The following NIPAL3 variants were observed in gnomAD, a reference collection of about 807,000 sequenced individuals.
NIPAL3 encodes NIPA-like protein 3.
In NIPAL3, 41 loss-of-function variants were observed where a neutral mutation model predicts 47.2. The observed-to-expected ratio is 0.87, with a 90% CI of 0.68 to 1.13. NIPAL3 has a LOEUF of 1.13. Ranked by LOEUF, NIPAL3 falls within the 50% of genes most tolerant of loss-of-function variation. NIPAL3 has a pLI of 0.00. For synonymous variants in NIPAL3, 194 were observed against 209.6 expected (o/e 0.93, Z 0.64); for missense variants, 449 against 530.1 (o/e 0.85, Z 1.50).
intron 4 of NIPAL3, among the ~76,000 whole-genome samples, chr1:24,443,918 A>G (rs1645522893): frequency 6.6e-6 from 1 of 152,112 alleles, no homozygotes; most frequent in South Asian, 2.1e-4. Context: ...GTATCTCCAA[A>G]GGGCTCCCAA....
chr1:24,435,879 G>T (rs1645079628), intron 2 of NIPAL3, among the ~76,000 whole-genome samples: 1 of 152,158 alleles, frequency 6.6e-6, no homozygotes, highest in African/African-American at 2.4e-5. Flanking sequence ...TATAAAAACA[G>T]AAATGTATTT....
At chr1:24,427,607 A>G (rs1003621958) in intron 2 of NIPAL3, among the ~76,000 whole-genome samples, 1 of 152,170 alleles carries the variant, frequency 6.6e-6, no homozygotes, top group East Asian at 1.9e-4. Context: ...AGGACACTTC[A>G]CAGAACACAA....
chr1:24,468,942 C>T (rs1646810395), intron 11 of NIPAL3, 44 bp from the exon 12 acceptor site: 2 of 1,589,758 alleles, frequency 1.3e-6, no homozygotes, highest in African/African-American at 1.3e-5. Context: ...CCTCCTTGGC[C>T]CCCTTACCGC....
Position 24,442,245 on chromosome 1 carries a change from C to A in NIPAL3, c.334+19C>A. ...GTGATAGGTAAGACCAGGGCTGCCCCACCCTCCCCTGGGGTGCTCCCAGCT... is the reference window on the plus strand; with the variant it reads ...GTGATAGGTAAGACCAGGGCTGCCCAACCCTCCCCTGGGGTGCTCCCAGCT... On this transcript the variant is annotated intron_variant, in intron 4 of 11. Transcript: ENST00000374399. 1 of 1,611,168 alleles carries A rather than the reference C, an allele frequency of 6.2e-7. No homozygotes were observed. Among genetic ancestry groups the A allele is most frequent in the Non-Finnish European group, 8.5e-7 (1 of 1,178,612 alleles).
rs1883462 is a variant in NIPAL3 at position 24,453,383 on chromosome 1, C to A, written c.541-25C>A. On this transcript the variant is annotated intron_variant, in intron 6 of 11. Coordinates refer to ENST00000374399, the MANE Select transcript of NIPAL3 (RefSeq NM_020448.5). The stretch of plus-strand genomic sequence containing the variant: ...CGCCTACTTCTGTGGTCCCCACTGA[C>A]CCCCCTGCTTGCTGCCTTCCACAGC... 14 of 1,581,004 alleles carry A rather than the reference C, an allele frequency of 8.9e-6. No homozygotes were observed. In the Admixed American group the frequency reaches 2.0e-4, roughly 23 times the overall value.
rs776188011 is a variant in NIPAL3, at chr1:24,440,202, T to C, written c.124T>C (p.Phe42Leu). Residue 42 changes from phenylalanine (F) to leucine (L), a missense_variant, in exon 3 of 12, where the codon TTC (phenylalanine) becomes CTC (leucine). Coordinates refer to ENST00000374399, the MANE Select transcript of NIPAL3 (RefSeq NM_020448.5). ...ENLIGALLAIFGHLVVSIALN... is the reference protein window; with the variant it reads ...ENLIGALLAILGHLVVSIALN... Reference sequence around the variant, plus strand: ...CCTGATTGGCGCCCTCTTGGCGATCTTCGGGCACCTCGTGGTCAGCATTGC... The same window carrying C: ...CCTGATTGGCGCCCTCTTGGCGATCCTCGGGCACCTCGTGGTCAGCATTGC... 6.3e-6 allele frequency: 10 copies of C among 1,595,998 alleles called. No homozygotes were observed. The highest frequency in any genetic ancestry group is 8.5e-6 in the Non-Finnish European group (10 of 1,171,652).
At chr1:24,455,556 C>T (rs891723623) in intron 7 of NIPAL3, among the ~76,000 whole-genome samples, 13 of 152,148 alleles carry the variant, frequency 8.5e-5, no homozygotes, top group South Asian at 2.1e-4. Flanking sequence ...CGGAGGCTCA[C>T]GCCTGTAATC....
chr1:24,419,034 G>A (rs983441004), intron 1 of NIPAL3, among the ~76,000 whole-genome samples: 3 of 151,964 alleles, frequency 2.0e-5, no homozygotes, highest in Non-Finnish European at 4.4e-5. Context: ...GAAGCAGAGT[G>A]GAGGAGGAAA....
chr1:24,439,259 A>C (rs934944091), intron 2 of NIPAL3, among the ~76,000 whole-genome samples: 3 of 152,242 alleles, frequency 2.0e-5, no homozygotes, highest in Admixed American at 1.3e-4. Context: ...CAATGATATA[A>C]AATATGGCAC....
intron 11 of NIPAL3, chr1:24,465,425 G>GTGTATA (rs564486790): frequency 6.7e-6 from 1 of 149,180 alleles, no homozygotes; most frequent in African/African-American, 2.4e-5. Context: ...ATTTGTGTGT[G>GTGTATA]TATATATATA....
At chr1:24,423,174 C>T (rs781188509) in intron 2 of NIPAL3, among the ~76,000 whole-genome samples, 10 of 152,218 alleles carry the variant, frequency 6.6e-5, no homozygotes, top group Non-Finnish European at 1.5e-4. Flanking sequence ...GTGCTGAGTG[C>T]TTTCATTCTG....
chr1:24,459,695 T>A (rs1422301699), intron 9 of NIPAL3, among the ~76,000 whole-genome samples: 1 of 152,248 alleles, frequency 6.6e-6, no homozygotes, highest in African/African-American at 2.4e-5. Flanking sequence ...GGCGCACAGC[T>A]TCCAGGGCCC....
chr1:24,444,051 A>C (rs954139090), intron 4 of NIPAL3, among the ~76,000 whole-genome samples: 40 of 151,730 alleles, frequency 2.6e-4, no homozygotes, highest in Non-Finnish European at 3.4e-4. Flanking sequence ...AGTTATAATG[A>C]TAAAACTTCA....
At chr1:24,414,530 G>GA, upstream of NIPAL3, 1 of 118,562 alleles carries the variant, frequency 8.4e-6, no homozygotes, top group South Asian at 2.8e-4. Flanking sequence ...TGAAATCCAA[G>GA]CTTTTTTTTT....
At chr1:24,437,111 G>T (rs574292754) in intron 2 of NIPAL3, among the ~76,000 whole-genome samples, 1 of 151,966 alleles carries the variant, frequency 6.6e-6, no homozygotes, top group Non-Finnish European at 1.5e-5. Flanking sequence ...TAATAGCCGG[G>T]CGAGGTGGCG....
At chr1:24,462,660 G>A (rs1046655565) in intron 10 of NIPAL3, among the ~76,000 whole-genome samples, 3 of 151,984 alleles carry the variant, frequency 2.0e-5, no homozygotes, top group Non-Finnish European at 2.9e-5. Context: ...CCAGCTACTC[G>A]GGAGGCTGAG....
At chr1:24,417,753 G>A (rs1188045063) in intron 1 of NIPAL3, among the ~76,000 whole-genome samples, 2 of 152,208 alleles carry the variant, frequency 1.3e-5, no homozygotes, top group African/African-American at 4.8e-5. Context: ...TGGACATGGT[G>A]TTCCCCTTAT....
intron 8 of NIPAL3, among the ~76,000 whole-genome samples, chr1:24,458,242 T>C (rs1646313463): frequency 6.6e-6 from 1 of 152,094 alleles, no homozygotes; most frequent in African/African-American, 2.4e-5. Context: ...TGAGCTGTCA[T>C]TTTGCCACTG....
At chr1:24,456,113 A>T in intron 7 of NIPAL3, 25 bp from the exon 8 acceptor site, 1 of 1,613,784 alleles carries the variant, frequency 6.2e-7, no homozygotes, top group Non-Finnish European at 8.5e-7. Context: ...GAGGCTCCCC[A>T]TTCGCCCTTG....
Sources: allele counts gnomAD v4.1 joint callset (sites outside exome capture counted in the v4.1 genomes callset), GRCh38; gene constraint gnomAD v4.1.1; transcripts MANE v1.5; gene names NCBI Gene and HGNC (gene_info 2026-07-23, HGNC 2026-07-21).